CDC6: variants seen among roughly 807,000 people sequenced by gnomAD.
The protein encoded by CDC6 is cell division cycle 6, also known as DNA replication factor CDC6.
CDC6 carries 46 observed loss-of-function variants against 60.2 expected under a neutral mutation model. That is an observed-to-expected ratio of 0.76 (90% confidence interval 0.60 to 0.98). The LOEUF is 0.98. CDC6 is among the 50% of genes least tolerant of loss of function. The pLI, the probability that CDC6 is intolerant of heterozygous loss-of-function variation, is 0.00. For missense variants in CDC6, 596 were observed against 652.9 expected (o/e 0.91, Z 0.95); for synonymous variants, 210 against 233.2 (o/e 0.90, Z 0.90).
At chr17:40,294,285 TTTA>T in intron 6 of CDC6, 76 bp from the exon 7 acceptor site, 1 of 1,214,716 alleles carries the variant, frequency 8.2e-7, no homozygotes, top group Non-Finnish European at 1.2e-6. Flanking sequence ...TAACTGGAGA[TTTA>T]TTTAGCTTTC....
intron 9 of CDC6, among the ~76,000 whole-genome samples, chr17:40,297,598 A>G (rs1456853244): frequency 6.6e-6 from 1 of 152,112 alleles, no homozygotes; most frequent in Non-Finnish European, 1.5e-5. Context: ...TGTTCTGCAC[A>G]TGTATCCCAG....
At chr17:40,291,005 C>A in intron 2 of CDC6, 53 bp from the exon 3 acceptor site, 1 of 1,577,334 alleles carries the variant, frequency 6.3e-7, no homozygotes, top group Non-Finnish European at 8.7e-7. Context: ...CTTGCACATC[C>A]TTTTACTATC....
At chr17:40,293,781 G>T (rs987533588) in intron 5 of CDC6, 150 bp downstream of exon 5, 1 of 889,618 alleles carries the variant, frequency 1.1e-6, no homozygotes, top group African/African-American at 1.7e-5. Context: ...TTTTAAATTG[G>T]ATTACTTATA....
chr17:40,293,242 G>GA (rs950331463), intron 4 of CDC6, among the ~76,000 whole-genome samples: 4 of 144,850 alleles, frequency 2.8e-5, no homozygotes, highest in South Asian at 2.2e-4. Flanking sequence ...CCGTCTCAAA[G>GA]AAAAAAAAAA....
At chr17:40,298,192 A>G (rs540373430) in intron 9 of CDC6, among the ~76,000 whole-genome samples, 1 of 152,292 alleles carries the variant, frequency 6.6e-6, no homozygotes, top group South Asian at 2.1e-4. Context: ...ATATATACCA[A>G]TGTATAGACT....
rs1315194637 is a variant in CDC6 at position 40,300,824 on chromosome 17, A to T, written c.1250-4A>T. The T allele has an allele frequency of 2.5e-6, 4 of 1,607,068 alleles. No individual in the cohort carries two copies. The highest frequency in any genetic ancestry group is 2.2e-5 in the East Asian group (1 of 44,872). On this transcript the variant is annotated splice_region_variant and splice_polypyrimidine_tract_variant and intron_variant, in intron 9 of 11. Coordinates refer to ENST00000209728, the MANE Select transcript of CDC6 (RefSeq NM_001254.4). The stretch of plus-strand genomic sequence containing the variant: ...GAATTAAGCTTGGCTTATTTACTTT[A>T]TAGGTAAATCACCTTCTGAGCCTCT...
At chr17:40,300,028 A>T (rs1001202591) in intron 9 of CDC6, among the ~76,000 whole-genome samples, 8 of 151,928 alleles carry the variant, frequency 5.3e-5, no homozygotes, top group Admixed American at 2.6e-4. Context: ...CAGTGGCACA[A>T]TCTTGGCTCA....
Position 40,294,057 on chromosome 17 carries a change from G to A in CDC6, c.943+1G>A. 1 of 1,591,918 alleles carries A rather than the reference G, an allele frequency of 6.3e-7. No individual in the cohort carries two copies. Among genetic ancestry groups the A allele is most frequent in the Non-Finnish European group, 8.6e-7 (1 of 1,159,762 alleles). ...AGCAATTCTCACTTGGTGCTGATTG[G>A]TTAGTGCTCAATTGTTAATGTTACA... On this transcript the variant is annotated splice_donor_variant, in intron 6 of 11. Transcript: ENST00000209728. LOFTEE classifies it high-confidence loss of function.
chr17:40,296,646 G>A, intron 8 of CDC6, 57 bp from the exon 9 acceptor site: 1 of 957,794 alleles, frequency 1.0e-6, no homozygotes, highest in Admixed American at 1.7e-5. Flanking sequence ...TGAGGCTGGT[G>A]GTTTGGTGTG....
At chr17:40,296,634 T>G in intron 8 of CDC6, 69 bp from the exon 9 acceptor site, 1 of 883,380 alleles carries the variant, frequency 1.1e-6, no homozygotes, top group Non-Finnish European at 1.9e-6. Context: ...ATGTGCCGCT[T>G]TTGAGGCTGG....
chr17:40,288,264 C>T lies in CDC6; in HGVS notation c.-14+174C>T, dbSNP rs528280493. 5 of 153,346 alleles carry T rather than the reference C, an allele frequency of 3.3e-5. No individual in the cohort carries two copies. The East Asian group carries it at 7.7e-4, about 24-fold the overall frequency. 9.5% of individuals were successfully genotyped at this position (153,346 alleles called of 1,614,324 possible). ...AGCTGCCTAGAATGAGGACTGAGTG[C>T]AGGGGCGGAAAGAACTGAGGGAAGA... On this transcript the variant is annotated intron_variant, in intron 1 of 11. Transcript: ENST00000209728.
chr17:40,295,240 C>T (rs1567735383), intron 7 of CDC6, 116 bp from the exon 8 acceptor site: 1 of 788,556 alleles, frequency 1.3e-6, no homozygotes, highest in African/African-American at 1.7e-5. Context: ...CTTTTTAACC[C>T]TAAAGAGTTG....
chr17:40,301,464 CCAGTTATATGAAGCCTA>C lies in CDC6; in HGVS notation c.1454_1470del (p.Leu485Ter). 1 of 1,613,760 alleles carries C rather than the reference CCAGTTATATGAAGCCTA, an allele frequency of 6.2e-7. No homozygotes were observed. On this transcript the variant is annotated splice_acceptor_variant and splice_polypyrimidine_tract_variant and coding_sequence_variant and intron_variant, in exon 11 of 12. Transcript: ENST00000209728. LOFTEE classifies it high-confidence loss of function. ...AGCGTTTGTTCTCCCTTGTTTCCTA[CCAGTTATATGAAGCCTA>C]CAGTAAAGTCTGTCGCAAACAGCAG...
In CDC6 at chr17:40,304,206, C is replaced by CT. The variant is rs1179017275; in HGVS notation, c.*2208dup. On this transcript the variant is annotated 3_prime_UTR_variant, in exon 12 of 12. Coordinates refer to ENST00000209728, the MANE Select transcript of CDC6 (RefSeq NM_001254.4). ...TTCTAGGTCATTGCTGCTCTTAAGA[C>CT]TTTAGCAGTTGGAACAGGGTTGGTT... is the stretch of plus-strand genomic sequence containing the variant. 6.6e-6 allele frequency: 1 copy of CT among 152,252 alleles called. No homozygotes were observed. Among genetic ancestry groups the CT allele is most frequent in the African/African-American group, 2.4e-5 (1 of 41,460 alleles). 9.4% of individuals were successfully genotyped at this position (152,252 alleles called of 1,614,324 possible). A position where few individuals can be genotyped will look rare whatever the true frequency, so the allele number is the denominator to read the frequency against.
At position 40,302,763 on chromosome 17, in the gene CDC6, A is replaced by T. The variant is rs2032958493; in HGVS notation, c.*762A>T. On this transcript the variant is annotated 3_prime_UTR_variant, in exon 12 of 12. Transcript: ENST00000209728. Reference sequence around the variant, plus strand: ...AGATTTGGAGGACACTGGTTAAAGAATTTATTTCTTTGTATAGTATACTAT... The same window carrying T: ...AGATTTGGAGGACACTGGTTAAAGATTTTATTTCTTTGTATAGTATACTAT... 1 of 152,242 alleles carries T rather than the reference A, an allele frequency of 6.6e-6. No homozygotes were observed. Among genetic ancestry groups the T allele is most frequent in the African/African-American group, 2.4e-5 (1 of 41,448 alleles). The allele number at this position is 152,242 out of a possible 1,614,324, so 9.4% of individuals were successfully genotyped here. A position where few individuals can be genotyped will look rare whatever the true frequency, so the allele number is the denominator to read the frequency against.
Position 40,295,617 on chromosome 17 carries a change from T to A in CDC6, c.1184+161T>A. On this transcript the variant is annotated intron_variant, in intron 8 of 11. Transcript: ENST00000209728. ...TGTTTCTCAGTGGGGAGCTCTGGAT[T>A]TCCACCGTGTTAATGTCTGAAACAT... The A allele has an allele frequency of 6.3e-6, 4 of 633,776 alleles. No individual in the cohort carries two copies. In the South Asian group the frequency reaches 7.3e-5, roughly 12 times the overall value. 39.3% of individuals were successfully genotyped at this position (633,776 alleles called of 1,614,324 possible). A position where few individuals can be genotyped will look rare whatever the true frequency, so the allele number is the denominator to read the frequency against.
rs1029640803 is a variant in CDC6 at position 40,304,011 on chromosome 17, C to T, written c.*2010C>T. 3 of 152,250 alleles carry T rather than the reference C, an allele frequency of 2.0e-5. No individual in the cohort carries two copies. Among genetic ancestry groups the T allele is most frequent in the South Asian group, 2.1e-4 (1 of 4,832 alleles). 9.4% of individuals were successfully genotyped at this position (152,250 alleles called of 1,614,324 possible). A position where few individuals can be genotyped will look rare whatever the true frequency, so the allele number is the denominator to read the frequency against. ...CTTGAGTCAGGAACATGGCTTGACT[C>T]GCAGTGGGGCTGCTATGTATCCTCC... On this transcript the variant is annotated 3_prime_UTR_variant, in exon 12 of 12. Transcript: ENST00000209728.
chr17:40,301,179 A>C, intron 10 of CDC6, 149 bp downstream of exon 10: 1 of 723,982 alleles, frequency 1.4e-6, no homozygotes, highest in East Asian at 2.7e-5. Context: ...ACTATATAAA[A>C]GGCACCTATT....
Position 40,291,242 on chromosome 17 carries a change from T to G in CDC6, c.363T>G (p.Leu121=). ...ELAKVHQNKI[L]SSVRKSQEIT... ...CCAAAGTTCACCAAAACAAAATACT[T>G]TCTTCAGTTAGAAAAAGTCAAGAGA... Residue 121 remains leucine (L), a synonymous_variant, in exon 3 of 12, where the codon CTT becomes CTG. Coordinates refer to ENST00000209728, the MANE Select transcript of CDC6 (RefSeq NM_001254.4). 1 of 1,614,166 alleles carries G rather than the reference T, an allele frequency of 6.2e-7. No individual in the cohort carries two copies. Among genetic ancestry groups the G allele is most frequent in the Non-Finnish European group, 8.5e-7 (1 of 1,179,982 alleles).
Sources: gnomAD v4.1 joint callset for allele counts (sites outside exome capture counted in the v4.1 genomes callset) on GRCh38, gnomAD v4.1.1 for gene constraint, MANE v1.5 for transcripts, NCBI Gene and HGNC (gene_info 2026-07-23, HGNC 2026-07-21) for gene names.